HK1: variants seen among roughly 807,000 people sequenced by gnomAD.
The protein encoded by HK1 is hexokinase-1.
HK1 carries 28 observed loss-of-function variants against 91.6 expected under a neutral mutation model. That is an observed-to-expected ratio of 0.31 (90% CI 0.23 to 0.42). The LOEUF is 0.42. HK1 is among the 10% of genes least tolerant of loss of function. HK1 has a pLI of 1.00. For synonymous variants in HK1, 430 were observed against 468.1 expected, an observed-to-expected ratio of 0.92 and a Z score of 1.05; for missense variants, 770 against 1,219.8, an observed-to-expected ratio of 0.63 and a Z score of 5.49.
upstream of HK1, among the ~76,000 whole-genome samples, chr10:69,317,456 C>G (rs2132556827): frequency 6.6e-6 from 1 of 152,326 alleles, no homozygotes; most frequent in East Asian, 1.9e-4. Flanking sequence ...TGTCAGGCCC[C>G]TGAACCTACG....
chr10:69,270,685 A>G (rs1016729219), intron 1 of HK1, among the ~76,000 whole-genome samples: 6 of 152,158 alleles, frequency 3.9e-5, no homozygotes, highest in African/African-American at 1.4e-4. Context: ...GGTGATGAAT[A>G]TAGATTTAAG....
At chr10:69,335,125 G>C (rs1421555205) in intron 1 of HK1, among the ~76,000 whole-genome samples, 1 of 152,132 alleles carries the variant, frequency 6.6e-6, no homozygotes, top group South Asian at 2.1e-4. Context: ...CTCAGAGACC[G>C]GCTGCCGAGA....
At chr10:69,379,058 A>G (rs1839257124) in intron 8 of HK1, among the ~76,000 whole-genome samples, 1 of 152,180 alleles carries the variant, frequency 6.6e-6, no homozygotes, top group Admixed American at 6.5e-5. Context: ...TTGATTGCAC[A>G]TACAGATGTT....
At position 69,364,854 on chromosome 10, in the gene HK1, TGTGGGATTCAC is replaced by T; in HGVS notation, c.450_460del (p.Gly151PhefsTer11). On this transcript the variant is annotated frameshift_variant, in exon 4 of 18. Transcript: ENST00000359426. LOFTEE classifies it high-confidence loss of function. ...GGAAGATCAAGGACAAGAAGTTACCTGTGGGATTCACGTTTTCTTTTCCTTGCCAACAATCC... is the reference window on the plus strand; with the variant it reads ...GGAAGATCAAGGACAAGAAGTTACCTGTTTTCTTTTCCTTGCCAACAATCC... 6.2e-7 allele frequency: 1 copy of T among 1,614,122 alleles called. No individual in the cohort carries two copies. Among genetic ancestry groups the T allele is most frequent in the Non-Finnish European group, 8.5e-7 (1 of 1,179,950 alleles).
At chr10:69,345,928 G>A (rs1054542296) in intron 2 of HK1, among the ~76,000 whole-genome samples, 2 of 152,044 alleles carry the variant, frequency 1.3e-5, no homozygotes, top group Non-Finnish European at 2.9e-5. Context: ...TCATAGAAAC[G>A]GCACCCCCCC....
intron 2 of HK1, 115 bp downstream of exon 2, chr10:69,344,104 T>TGCCCTCCCATCCATCCATCCATCC (rs1848430749): frequency 9.5e-7 from 1 of 1,058,166 alleles, no homozygotes; most frequent in African/African-American, 1.6e-5. Flanking sequence ...TCCATCAATC[T>TGCCCTCCCATCCATCCATCCATCC]GCTCTCCCAT....
chr10:69,353,623 A>G (rs76239511), intron 2 of HK1, among the ~76,000 whole-genome samples: 4 of 148,634 alleles, frequency 2.7e-5, no homozygotes, highest in Non-Finnish European at 4.5e-5. Context: ...AAAACCAAAA[A>G]AAAAAAAAAA....
Position 69,318,945 on chromosome 10 carries a change from A to G in HK1, c.-3A>G, listed in dbSNP as rs1474966780. On this transcript the variant is annotated 5_prime_UTR_variant, in exon 1 of 18. Coordinates refer to ENST00000359426, the MANE Select transcript of HK1 (RefSeq NM_000188.3). Reference sequence around the variant, plus strand: ...CTGCCGCCCCGCGACCCCGACCGCCAGCATGATCGCCGCGCAGCTCCTGGC... The same window carrying G: ...CTGCCGCCCCGCGACCCCGACCGCCGGCATGATCGCCGCGCAGCTCCTGGC... 2 of 1,592,724 alleles carry G rather than the reference A, an allele frequency of 1.3e-6. No homozygotes were observed. The highest frequency in any genetic ancestry group is 1.7e-6 in the Non-Finnish European group (2 of 1,170,932).
At chr10:69,400,182 C>G (rs907924163) in intron 17 of HK1, among the ~76,000 whole-genome samples, 4 of 152,238 alleles carry the variant, frequency 2.6e-5, no homozygotes, top group African/African-American at 9.6e-5. Context: ...TATGGGGCAC[C>G]TAGTAGGTCC....
chr10:69,304,269 A>AT (rs1317502398), intron 5 of HK1, among the ~76,000 whole-genome samples: 2 of 146,692 alleles, frequency 1.4e-5, no homozygotes, highest in Non-Finnish European at 1.5e-5. Context: ...TTGTATTTTT[A>AT]TTTTTATTAT....
chr10:69,375,704 G>A (rs1397698531), intron 7 of HK1, among the ~76,000 whole-genome samples: 3 of 152,178 alleles, frequency 2.0e-5, no homozygotes, highest in Non-Finnish European at 4.4e-5. Flanking sequence ...GAGGAGCGGC[G>A]GGCTGCTCTG....
In HK1 at chr10:69,364,943, G is replaced by A. The variant is rs750486608; in HGVS notation, c.495+41G>A. 1.6e-5 allele frequency: 25 copies of A among 1,612,620 alleles called. No individual in the cohort carries two copies. In the African/African-American group the frequency reaches 1.6e-4, roughly 10 times the overall value. The stretch of plus-strand genomic sequence containing the variant: ...GATTATCGGGCTCTGCAGATGCCCC[G>A]GGATGGAAAAGCTAACAAGCCCTTT... On this transcript the variant is annotated intron_variant, in intron 4 of 17. Transcript: ENST00000359426.
rs1839989636 is a variant in HK1 at position 69,393,304 on chromosome 10, TC to T, written c.2219+997del. On this transcript the variant is annotated intron_variant, in intron 15 of 17. Transcript: ENST00000359426. ...CCCTTATAGTCTTTTTCTTTTCTTT[TC>T]TTTTCTTTTTTTTTTGAGACAGAGT... Among the ~76,000 whole-genome samples, 23 of 130,734 alleles carry T rather than the reference TC, an allele frequency of 1.8e-4. No homozygotes were observed. In the Admixed American group the frequency reaches 1.8e-3, roughly 10 times the overall value. The allele number at this position is 130,734 out of a possible 152,430, so 85.8% of individuals were successfully genotyped here.
At chr10:69,310,336 G>A (rs975026798) in intron 5 of HK1, among the ~76,000 whole-genome samples, 28 of 148,584 alleles carry the variant, frequency 1.9e-4, no homozygotes, top group Admixed American at 1.7e-3. Flanking sequence ...CATGAGAATC[G>A]CCTGAACCCA....
intron 2 of HK1, among the ~76,000 whole-genome samples, chr10:69,288,060 A>G (rs1156657167): frequency 6.6e-6 from 1 of 151,920 alleles, no homozygotes; most frequent in African/African-American, 2.4e-5. Context: ...AGGCAGGAGG[A>G]TTGCTTGTGT....
upstream of HK1, among the ~76,000 whole-genome samples, chr10:69,315,039 T>C (rs907706411): frequency 6.6e-6 from 1 of 152,184 alleles, no homozygotes; most frequent in African/African-American, 2.4e-5. Context: ...CTGGGCAACA[T>C]GGCAAGACCT....
chr10:69,367,762 C>T (rs1029675030), intron 4 of HK1, among the ~76,000 whole-genome samples: 7 of 152,226 alleles, frequency 4.6e-5, no homozygotes, highest in Middle Eastern at 6.8e-3. Context: ...TAGTGACTTG[C>T]CCCATTCAGA....
At chr10:69,384,270 G>T in intron 10 of HK1, 63 bp from the exon 11 acceptor site, 1 of 1,601,388 alleles carries the variant, frequency 6.2e-7, no homozygotes, top group Non-Finnish European at 8.6e-7. Context: ...GAGTCTTGGG[G>T]TTACTGGCTG....
At chr10:69,364,383 G>A (rs1269711379) in intron 3 of HK1, among the ~76,000 whole-genome samples, 1 of 152,144 alleles carries the variant, frequency 6.6e-6, no homozygotes, top group Non-Finnish European at 1.5e-5. Flanking sequence ...TTCAGAGAGC[G>A]TGGCGTCGGG....
Sources: gnomAD v4.1 joint callset for allele counts (sites outside exome capture counted in the v4.1 genomes callset) on GRCh38, gnomAD v4.1.1 for gene constraint, MANE v1.5 for transcripts, NCBI Gene and HGNC (gene_info 2026-07-23, HGNC 2026-07-21) for gene names.